ILDR1: variants seen among roughly 807,000 people sequenced by gnomAD.
The protein encoded by ILDR1 is immunoglobulin like domain containing receptor 1.
A neutral mutation model predicts 62.4 loss-of-function variants in ILDR1; 56 were observed. The ratio of observed to expected loss-of-function variants is 0.90; its 90% CI spans 0.72 to 1.12. The LOEUF (loss-of-function observed/expected upper bound fraction) is 1.12. Ranked by LOEUF, ILDR1 falls within the 50% of genes most tolerant of loss-of-function variation. The pLI, the probability that ILDR1 is intolerant of heterozygous loss-of-function variation, is 0.00. For synonymous variants in ILDR1, 284 were observed against 277.8 expected, an observed-to-expected ratio of 1.02 and a Z score of -0.22; for missense variants, 736 against 710.6, an observed-to-expected ratio of 1.04 and a Z score of -0.41.
chr3:121,988,411 G>A lies in ILDR1; in HGVS notation c.1600-3C>T. The A allele has an allele frequency of 1.2e-6, 2 of 1,612,560 alleles. No individual in the cohort carries two copies. The highest frequency in any genetic ancestry group is 1.1e-5 in the South Asian group (1 of 91,038). On this transcript the variant is annotated splice_region_variant and splice_polypyrimidine_tract_variant and intron_variant, in intron 7 of 7. Transcript: ENST00000344209. ...CCACTATGAGAGCTGTCTTTCTCCT[G>A]GGAAATAGAAGAATACACACACAAA...
At chr3:122,031,652 C>A in the ILDR1 span, among the ~76,000 whole-genome samples, 3 of 152,166 alleles carry the variant, frequency 2.0e-5, no homozygotes, top group Non-Finnish European at 2.9e-5. Flanking sequence ...AACTCTCTGA[C>A]CATTTCTGCC....
the ILDR1 span, among the ~76,000 whole-genome samples, chr3:122,028,617 A>G: frequency 7.4e-4 from 113 of 152,362 alleles, no homozygotes; most frequent in Admixed American, 1.3e-3. Context: ...CCCTCTGCTA[A>G]GGCAGATAAA....
the ILDR1 span, among the ~76,000 whole-genome samples, chr3:122,055,177 A>C: frequency 6.6e-6 from 1 of 152,122 alleles, no homozygotes; most frequent in Admixed American, 6.5e-5. Context: ...TTTTTTATTC[A>C]GGCTCATCTT....
At chr3:122,034,238 C>T in the ILDR1 span, among the ~76,000 whole-genome samples, 1 of 152,132 alleles carries the variant, frequency 6.6e-6, no homozygotes, top group Admixed American at 6.5e-5. Context: ...AATCCAGTAA[C>T]TTCTTGTGTC....
At chr3:122,041,051 T>G in the ILDR1 span, among the ~76,000 whole-genome samples, 1 of 152,164 alleles carries the variant, frequency 6.6e-6, no homozygotes, top group African/African-American at 2.4e-5. Context: ...TATAAAGAAC[T>G]CCTAAAACTC....
intron 1 of ILDR1, among the ~76,000 whole-genome samples, chr3:122,021,709 C>T (rs1441712107): frequency 6.6e-6 from 1 of 152,250 alleles, no homozygotes; most frequent in Non-Finnish European, 1.5e-5. Context: ...AAGAACGGTG[C>T]TTTTGCCCCT....
chr3:121,992,158 CA>C (rs1405181233), intron 7 of ILDR1, among the ~76,000 whole-genome samples: 3 of 152,016 alleles, frequency 2.0e-5, no homozygotes. Context: ...TTTTTTGAGA[CA>C]GAGTTTTGCT....
intron 3 of ILDR1, 67 bp from the exon 4 acceptor site, chr3:122,001,931 C>A: frequency 3.2e-6 from 5 of 1,568,084 alleles, no homozygotes; most frequent in South Asian, 1.1e-5. Context: ...ACCCATGACA[C>A]CCTCAAGACC....
chr3:121,999,430 T>C (rs1354909344), intron 5 of ILDR1, among the ~76,000 whole-genome samples: 10 of 152,254 alleles, frequency 6.6e-5, no homozygotes, highest in African/African-American at 2.4e-5. Flanking sequence ...AATAACTTTA[T>C]AGAATAATTT....
chr3:122,057,438 A>G, the ILDR1 span, among the ~76,000 whole-genome samples: 1 of 152,240 alleles, frequency 6.6e-6, no homozygotes, highest in Admixed American at 6.5e-5. Context: ...AGAACAATTC[A>G]TAATGTGTTT....
At chr3:121,990,543 A>G (rs552662342) in intron 7 of ILDR1, among the ~76,000 whole-genome samples, 1 of 152,214 alleles carries the variant, frequency 6.6e-6, no homozygotes, top group Non-Finnish European at 1.5e-5. Flanking sequence ...AAAATTAGGA[A>G]GAAATAAAGT....
At chr3:122,032,341 T>C in the ILDR1 span, among the ~76,000 whole-genome samples, 3 of 152,254 alleles carry the variant, frequency 2.0e-5, no homozygotes, top group African/African-American at 7.2e-5. Context: ...TGTATTAGAA[T>C]ATACTGCAAT....
chr3:122,025,214 C>A (rs970520414), upstream of ILDR1: 2 of 152,184 alleles, frequency 1.3e-5, no homozygotes, highest in Non-Finnish European at 2.9e-5. Flanking sequence ...GCTAAATGTG[C>A]TAGTGAGAAT....
chr3:121,990,438 T>G (rs1289426878), intron 7 of ILDR1, among the ~76,000 whole-genome samples: 1 of 152,376 alleles, frequency 6.6e-6, no homozygotes, highest in East Asian at 1.9e-4. Context: ...CTTTTACAAT[T>G]TCTTGTACAA....
the ILDR1 span, among the ~76,000 whole-genome samples, chr3:122,056,108 A>G: frequency 9.9e-5 from 15 of 152,116 alleles, no homozygotes; most frequent in African/African-American, 3.1e-4. Context: ...ATTCTTCACA[A>G]TGACTTTTGG....
chr3:122,053,342 C>G, the ILDR1 span, among the ~76,000 whole-genome samples: 2 of 151,872 alleles, frequency 1.3e-5, no homozygotes, highest in Non-Finnish European at 1.5e-5. Flanking sequence ...TTTTTTTAAT[C>G]ATATATTCTG....
chr3:122,055,247 C>T, the ILDR1 span: 7 of 481,654 alleles, frequency 1.5e-5, no homozygotes, highest in African/African-American at 7.8e-5. Context: ...TATAGACCTA[C>T]GTCAATGAGT....
the ILDR1 span, among the ~76,000 whole-genome samples, chr3:122,042,967 GT>G: frequency 1.3e-5 from 2 of 149,822 alleles, no homozygotes; most frequent in African/African-American, 5.0e-5. Flanking sequence ...TGCTTTTGGT[GT>G]TTTGGACATG....
chr3:122,058,250 C>T, the ILDR1 span, among the ~76,000 whole-genome samples: 1 of 152,088 alleles, frequency 6.6e-6, no homozygotes, highest in African/African-American at 2.4e-5. Context: ...GTTCAGTATC[C>T]TCTGTGCCTG....
Sources: gnomAD v4.1 joint callset for allele counts (sites outside exome capture counted in the v4.1 genomes callset) on GRCh38, gnomAD v4.1.1 for gene constraint, MANE v1.5 for transcripts, NCBI Gene and HGNC (gene_info 2026-07-23, HGNC 2026-07-21) for gene names.